The following MALRD1 variants were observed in gnomAD, a reference collection of about 807,000 sequenced individuals.
The protein encoded by MALRD1 is MAM and LDL receptor class A domain containing 1, also known as MAM and LDL-receptor class A domain-containing protein 1.
Under a neutral mutation model 242.1 loss-of-function variants are expected in MALRD1, and 247 were observed. That is an observed-to-expected ratio of 1.02 (90% CI 0.92 to 1.13). The LOEUF (loss-of-function observed/expected upper bound fraction) is 1.13, where lower values mean the gene tolerates loss of function less well. Ranked by LOEUF, MALRD1 falls within the 50% of genes most tolerant of loss-of-function variation. The probability of loss-of-function intolerance (pLI) is 0.00; values close to 1 mark genes in which losing one functional copy is unlikely to be tolerated. For synonymous variants in MALRD1, 995 were observed against 866.6 expected, an observed-to-expected ratio of 1.15 and a Z score of -2.60; for missense variants, 2,989 against 2,533.1, an observed-to-expected ratio of 1.18 and a Z score of -3.86.
chr10:19,594,608 A>T (rs1464047964), intron 33 of MALRD1, among the ~76,000 whole-genome samples: 1 of 152,192 alleles, frequency 6.6e-6, no homozygotes, highest in Non-Finnish European at 1.5e-5. Flanking sequence ...CAACAAGTTG[A>T]TAAAGAAAAT....
At chr10:19,447,289 A>G (rs1004864873) in intron 28 of MALRD1, among the ~76,000 whole-genome samples, 5 of 152,328 alleles carry the variant, frequency 3.3e-5, no homozygotes, top group African/African-American at 1.2e-4. Context: ...ATGAATGGAT[A>G]AGGAAATAAA....
chr10:19,235,572 C>T (rs1410058049), intron 18 of MALRD1, among the ~76,000 whole-genome samples: 1 of 87,712 alleles, frequency 1.1e-5, no homozygotes, highest in African/African-American at 4.7e-5. Context: ...CCCACACCCA[C>T]ACCCACAGAG....
At chr10:19,125,807 G>C (rs751078750) in intron 7 of MALRD1, among the ~76,000 whole-genome samples, 2 of 151,692 alleles carry the variant, frequency 1.3e-5, no homozygotes, top group African/African-American at 2.4e-5. Flanking sequence ...TCAATATCTT[G>C]TTATGATACT....
chr10:19,608,755 C>A (rs778583735), intron 35 of MALRD1, among the ~76,000 whole-genome samples: 15 of 151,958 alleles, frequency 9.9e-5, no homozygotes, highest in Non-Finnish European at 2.1e-4. Context: ...GTGAAAAAGT[C>A]TTATTTTTTT....
intron 36 of MALRD1, among the ~76,000 whole-genome samples, chr10:19,689,280 T>C (rs1010365592): frequency 1.3e-4 from 20 of 152,070 alleles, no homozygotes; most frequent in Non-Finnish European, 1.5e-5. Flanking sequence ...TATGAGAAGG[T>C]AAAAGTAGTA....
chr10:19,399,454 A>G (rs1185554126), intron 28 of MALRD1, among the ~76,000 whole-genome samples: 1 of 152,176 alleles, frequency 6.6e-6, no homozygotes, highest in Non-Finnish European at 1.5e-5. Context: ...TGGAGTTTGC[A>G]ATACATGCTC....
At chr10:19,478,590 T>C (rs1044562300) in intron 29 of MALRD1, among the ~76,000 whole-genome samples, 3 of 151,816 alleles carry the variant, frequency 2.0e-5, no homozygotes, top group Non-Finnish European at 2.9e-5. Flanking sequence ...ATTTCTTTTC[T>C]TTCCTTGCAA....
At chr10:19,532,054 T>C (rs1380436601) in intron 32 of MALRD1, among the ~76,000 whole-genome samples, 1 of 152,186 alleles carries the variant, frequency 6.6e-6, no homozygotes, top group Non-Finnish European at 1.5e-5. Flanking sequence ...CTGTAAATAA[T>C]AGCAGCTCTT....
rs542774506 is a variant in MALRD1 at position 19,094,242 on chromosome 10, A to C, written c.597+6057A>C. Among the ~76,000 whole-genome samples, 264 of 100,024 alleles carry C rather than the reference A, an allele frequency of 2.6e-3. 24 individuals carry two copies. The highest frequency in any genetic ancestry group is 0.011 in the African/African-American group (252 of 22,196). 65.6% of individuals were successfully genotyped at this position (100,024 alleles called of 152,430 possible). A position where few individuals can be genotyped will look rare whatever the true frequency, so the allele number is the denominator to read the frequency against. ...CAGACTGCTGTGCTAGCAATCAGCGAGATTCCGTGGGCATAGGACCCTCTG... is the reference window on the plus strand; with the variant it reads ...CAGACTGCTGTGCTAGCAATCAGCGCGATTCCGTGGGCATAGGACCCTCTG... On this transcript the variant is annotated intron_variant, in intron 4 of 39. Transcript: ENST00000454679.
At chr10:19,125,334 T>C (rs866156094) in intron 7 of MALRD1, among the ~76,000 whole-genome samples, 184 of 71,078 alleles carry the variant, frequency 2.6e-3, no homozygotes, top group South Asian at 3.5e-3. Flanking sequence ...TCTTTCTTTC[T>C]TTCTTTCTTT....
intron 36 of MALRD1, among the ~76,000 whole-genome samples, chr10:19,662,081 G>C (rs1354369793): frequency 6.6e-6 from 1 of 151,962 alleles, no homozygotes; most frequent in African/African-American, 2.4e-5. Context: ...TGTAATCACA[G>C]AGTATTTTAA....
At chr10:19,243,722 G>A (rs1362631792) in intron 18 of MALRD1, among the ~76,000 whole-genome samples, 1 of 152,050 alleles carries the variant, frequency 6.6e-6, no homozygotes, top group Non-Finnish European at 1.5e-5. Context: ...TTAACTTAAA[G>A]TTATGATGGG....
intron 31 of MALRD1, among the ~76,000 whole-genome samples, chr10:19,503,204 A>G (rs1291811616): frequency 3.9e-5 from 6 of 152,226 alleles, no homozygotes; most frequent in Non-Finnish European, 8.8e-5. Context: ...CTATTTAGGC[A>G]TCTCTGAAAT....
At chr10:19,404,414 A>G (rs1846999523) in intron 28 of MALRD1, among the ~76,000 whole-genome samples, 1 of 152,032 alleles carries the variant, frequency 6.6e-6, no homozygotes, top group Non-Finnish European at 1.5e-5. Flanking sequence ...TTTATCTTTG[A>G]CTAAGATGTA....
chr10:19,261,589 A>T (rs915143308), intron 19 of MALRD1, among the ~76,000 whole-genome samples: 20 of 152,070 alleles, frequency 1.3e-4, no homozygotes, highest in African/African-American at 4.8e-4. Context: ...ATTTGTTTAT[A>T]GCATTTTTCT....
chr10:19,062,312 A>G (rs1215632927), intron 1 of MALRD1, among the ~76,000 whole-genome samples: 1 of 152,186 alleles, frequency 6.6e-6, no homozygotes, highest in African/African-American at 2.4e-5. Flanking sequence ...AAATTGGAAC[A>G]CTCATGCTTT....
chr10:19,237,674 T>A (rs1240287962), intron 18 of MALRD1, among the ~76,000 whole-genome samples: 2 of 117,388 alleles, frequency 1.7e-5, no homozygotes, highest in South Asian at 4.6e-4. Flanking sequence ...ATTATATAAT[T>A]ATATATAATT....
intron 29 of MALRD1, among the ~76,000 whole-genome samples, chr10:19,473,258 C>T (rs1836582244): frequency 6.6e-6 from 1 of 151,426 alleles, no homozygotes; most frequent in Non-Finnish European, 1.5e-5. Context: ...CAGTGCCTGG[C>T]ATACTACAGA....
At chr10:19,282,994 T>G in intron 20 of MALRD1, 25 bp from the exon 21 acceptor site, 17 of 1,486,642 alleles carry the variant, frequency 1.1e-5, no homozygotes, top group Non-Finnish European at 1.5e-5. Context: ...CTAGCTCACC[T>G]TTTCTTTGTT....
Sources: allele counts gnomAD v4.1 joint callset (sites outside exome capture counted in the v4.1 genomes callset), GRCh38; gene constraint gnomAD v4.1.1; transcripts MANE v1.5; gene names NCBI Gene and HGNC (gene_info 2026-07-23, HGNC 2026-07-21).